GRM8: variants seen among roughly 807,000 people sequenced by gnomAD.
GRM8 encodes the protein glutamate metabotropic receptor 8.
GRM8 carries 47 observed loss-of-function variants against 87.2 expected under a neutral mutation model. The ratio of observed to expected loss-of-function variants is 0.54; its 90% CI spans 0.43 to 0.69. The LOEUF is 0.69. Among genes scored for constraint, GRM8 ranks in the 30% least tolerant of loss-of-function variants. The pLI is 0.00. For missense variants in GRM8, 1,019 were observed against 1,139.2 expected (o/e 0.89, Z 1.52); for synonymous variants, 396 against 404.5 (o/e 0.98, Z 0.25).
chr7:126,784,245 C>T, intron 6 of GRM8, among the ~76,000 whole-genome samples: 1 of 152,050 alleles, frequency 6.6e-6, no homozygotes, highest in East Asian at 1.9e-4. Flanking sequence ...TCATTATTAC[C>T]CTTGTGTACA....
chr7:127,153,987 C>T (rs762865119), intron 2 of GRM8, among the ~76,000 whole-genome samples: 6 of 152,140 alleles, frequency 3.9e-5, no homozygotes, highest in East Asian at 1.9e-4. Context: ...GTGAGGAGCA[C>T]GGGTGGTGAG....
intron 6 of GRM8, among the ~76,000 whole-genome samples, chr7:126,866,087 C>G (rs1798567364): frequency 6.6e-6 from 1 of 152,190 alleles, no homozygotes; most frequent in Non-Finnish European, 1.5e-5. Context: ...CTTGCCAAAA[C>G]TCGTTATCTG....
intron 7 of GRM8, among the ~76,000 whole-genome samples, chr7:126,745,179 A>G (rs1815501092): frequency 6.6e-6 from 1 of 151,562 alleles, no homozygotes; most frequent in Non-Finnish European, 1.5e-5. Flanking sequence ...ATTCTCTACA[A>G]TTTAATAGAA....
intron 3 of GRM8, among the ~76,000 whole-genome samples, chr7:126,937,021 A>G (rs34975153): frequency 0.019 from 2,867 of 152,304 alleles, 33 homozygotes; most frequent in South Asian, 0.039. Flanking sequence ...GTAAGGACAG[A>G]GATACAGATA....
At chr7:127,119,589 C>A (rs1400853835) in intron 2 of GRM8, among the ~76,000 whole-genome samples, 1 of 151,820 alleles carries the variant, frequency 6.6e-6, no homozygotes, top group Non-Finnish European at 1.5e-5. Context: ...GAAAGGTGTT[C>A]CAGGCATAGG....
At chr7:127,163,443 T>C (rs1195183985) in intron 2 of GRM8, among the ~76,000 whole-genome samples, 1 of 152,222 alleles carries the variant, frequency 6.6e-6, no homozygotes, top group Non-Finnish European at 1.5e-5. Context: ...ACAACCTCCA[T>C]GGGTTTCAGC....
chr7:126,498,846 A>G (rs1809189012), intron 9 of GRM8, among the ~76,000 whole-genome samples: 1 of 151,934 alleles, frequency 6.6e-6, no homozygotes, highest in Non-Finnish European at 1.5e-5. Context: ...TAAATTACGT[A>G]TTTATCTTGC....
chr7:126,907,892 A>C (rs1469195801), intron 3 of GRM8, among the ~76,000 whole-genome samples: 2 of 152,186 alleles, frequency 1.3e-5, no homozygotes. Context: ...GCTAAGGCAG[A>C]ATCTCTGAGT....
At chr7:126,897,313 T>C (rs1250334882) in intron 6 of GRM8, among the ~76,000 whole-genome samples, 1 of 151,984 alleles carries the variant, frequency 6.6e-6, no homozygotes, top group Non-Finnish European at 1.5e-5. Flanking sequence ...GCAAAACTTC[T>C]GAAGAAAGAC....
At chr7:126,935,775 T>C (rs772279804) in intron 3 of GRM8, among the ~76,000 whole-genome samples, 18 of 152,174 alleles carry the variant, frequency 1.2e-4, no homozygotes, top group Non-Finnish European at 2.1e-4. Flanking sequence ...ACAATACATA[T>C]GTATACCTTT....
chr7:126,610,320 CTT>C (rs1044581295), intron 7 of GRM8, among the ~76,000 whole-genome samples: 5 of 152,256 alleles, frequency 3.3e-5, no homozygotes, highest in Admixed American at 6.5e-5. Flanking sequence ...TCTATACAGA[CTT>C]TCCTTTTCTC....
intron 7 of GRM8, among the ~76,000 whole-genome samples, chr7:126,761,771 T>C (rs1817608866): frequency 6.6e-6 from 1 of 152,232 alleles, no homozygotes; most frequent in Non-Finnish European, 1.5e-5. Context: ...TTTCTTAGAA[T>C]GTGAATGCTC....
intron 6 of GRM8, among the ~76,000 whole-genome samples, chr7:126,897,743 A>G (rs2131156456): frequency 6.6e-6 from 1 of 152,308 alleles, no homozygotes; most frequent in Non-Finnish European, 1.5e-5. Context: ...AGAAGCAATA[A>G]TAACTACATA....
At chr7:127,080,538 T>C (rs769283698) in intron 3 of GRM8, among the ~76,000 whole-genome samples, 1 of 152,200 alleles carries the variant, frequency 6.6e-6, no homozygotes, top group Non-Finnish European at 1.5e-5. Context: ...AACTCAGTCA[T>C]TGTAATCTCA....
chr7:126,852,784 A>G (rs1034133430), intron 6 of GRM8, among the ~76,000 whole-genome samples: 4 of 152,028 alleles, frequency 2.6e-5, no homozygotes, highest in Non-Finnish European at 5.9e-5. Context: ...ACTTTCATAT[A>G]TTTATATTTA....
intron 2 of GRM8, among the ~76,000 whole-genome samples, chr7:127,121,483 G>A (rs1404976861): frequency 6.6e-6 from 1 of 152,054 alleles, no homozygotes; most frequent in Non-Finnish European, 1.5e-5. Flanking sequence ...AGCCCACAGG[G>A]GCTACAGTGA....
At chr7:126,449,358 G>T (rs899950789) in intron 9 of GRM8, among the ~76,000 whole-genome samples, 1 of 151,742 alleles carries the variant, frequency 6.6e-6, no homozygotes, top group Non-Finnish European at 1.5e-5. Context: ...GGGGTTGGGG[G>T]TAATACTTTT....
chr7:126,976,610 C>CA (rs1413245357), intron 3 of GRM8, among the ~76,000 whole-genome samples: 9 of 151,016 alleles, frequency 6.0e-5, no homozygotes, highest in Non-Finnish European at 1.2e-4. Context: ...ACAACAACAA[C>CA]AAAAAAAACG....
At chr7:127,128,056 C>G (rs929200931) in intron 2 of GRM8, among the ~76,000 whole-genome samples, 3 of 152,062 alleles carry the variant, frequency 2.0e-5, no homozygotes, top group Non-Finnish European at 4.4e-5. Context: ...TCTCAGCAGG[C>G]ACTCTCATGG....
Sources: gnomAD v4.1 joint callset for allele counts (sites outside exome capture counted in the v4.1 genomes callset) on GRCh38, gnomAD v4.1.1 for gene constraint, MANE v1.5 for transcripts, NCBI Gene and HGNC (gene_info 2026-07-23, HGNC 2026-07-21) for gene names.